The following RASGEF1C variants were observed in gnomAD, a reference collection of about 807,000 sequenced individuals.
RASGEF1C encodes the protein ras-GEF domain-containing family member 1C.
A neutral mutation model predicts 58.1 loss-of-function variants in RASGEF1C; 27 were observed. That is an observed-to-expected ratio of 0.46 (90% CI 0.34 to 0.64). RASGEF1C has a LOEUF of 0.64. Ranked by LOEUF, RASGEF1C falls within the 30% of genes least tolerant of loss-of-function variation. The probability of loss-of-function intolerance (pLI) is 0.01; values close to 1 mark genes in which losing one functional copy is unlikely to be tolerated. For synonymous variants in RASGEF1C, 243 were observed against 246.3 expected (o/e 0.99, Z 0.13); for missense variants, 502 against 605.1 (o/e 0.83, Z 1.79).
At chr5:180,138,787 G>A (rs1197909751) in intron 1 of RASGEF1C, among the ~76,000 whole-genome samples, 1 of 152,128 alleles carries the variant, frequency 6.6e-6, no homozygotes, top group African/African-American at 2.4e-5. Context: ...CACCAGCCAC[G>A]TTCTCTCCTC....
chr5:180,119,489 C>T, intron 7 of RASGEF1C, 41 bp from the exon 8 acceptor site: 2 of 1,507,338 alleles, frequency 1.3e-6, no homozygotes, highest in East Asian at 2.3e-5. Context: ...GACACGCCTC[C>T]ACCCTGCCCT....
chr5:180,101,240 G>T lies in RASGEF1C; in HGVS notation c.*261C>A. 1 of 555,426 alleles carries T rather than the reference G, an allele frequency of 1.8e-6. No individual in the cohort carries two copies. The highest frequency in any genetic ancestry group is 3.2e-6 in the Non-Finnish European group (1 of 310,096). The allele number at this position is 555,426 out of a possible 1,614,324, so 34.4% of individuals were successfully genotyped here. A position where few individuals can be genotyped will look rare whatever the true frequency, so the allele number is the denominator to read the frequency against. On this transcript the variant is annotated 3_prime_UTR_variant, in exon 14 of 14. Transcript: ENST00000361132. ...ATGGACAGACTGACCAGGCCCCACG[G>T]TCCTGAAGGCAGGATGTCCCCAAGG... is the stretch of plus-strand genomic sequence containing the variant.
chr5:180,187,778 C>T (rs554880308), intron 1 of RASGEF1C, among the ~76,000 whole-genome samples: 2 of 152,222 alleles, frequency 1.3e-5, no homozygotes, highest in African/African-American at 2.4e-5. Flanking sequence ...TAGGAAAATG[C>T]AAATCACAAG....
chr5:180,116,460 C>T (rs1345421793), intron 10 of RASGEF1C, among the ~76,000 whole-genome samples: 1 of 152,222 alleles, frequency 6.6e-6, no homozygotes, highest in East Asian at 1.9e-4. Flanking sequence ...TTCCCTCCCT[C>T]TGCCCCTCCA....
At chr5:180,147,276 C>G (rs1257921123) in intron 1 of RASGEF1C, among the ~76,000 whole-genome samples, 4 of 144,562 alleles carry the variant, frequency 2.8e-5, no homozygotes, top group Non-Finnish European at 3.1e-5. Flanking sequence ...AAATTTTTTT[C>G]TATTGTTTTT....
chr5:180,183,247 A>G (rs1187075520), intron 1 of RASGEF1C, among the ~76,000 whole-genome samples: 2 of 152,290 alleles, frequency 1.3e-5, no homozygotes, highest in South Asian at 2.1e-4. Context: ...TAAAACACAG[A>G]TGAGACCCAA....
intron 1 of RASGEF1C, among the ~76,000 whole-genome samples, chr5:180,165,626 G>A (rs1409206786): frequency 1.1e-4 from 17 of 149,794 alleles, no homozygotes; most frequent in Non-Finnish European, 2.1e-4. Flanking sequence ...AGCCAAGATT[G>A]TGCCACAGCA....
chr5:180,138,928 C>T (rs1236712379), intron 1 of RASGEF1C, among the ~76,000 whole-genome samples: 1 of 152,162 alleles, frequency 6.6e-6, no homozygotes, highest in African/African-American at 2.4e-5. Context: ...GCCTTCCCTG[C>T]GTCCCACCAA....
At chr5:180,127,811 ACTGGGGCTTGGAGACC>A in intron 5 of RASGEF1C, 128 bp from the exon 6 acceptor site, 1 of 820,418 alleles carries the variant, frequency 1.2e-6, no homozygotes, top group Non-Finnish European at 1.9e-6. Flanking sequence ...TGCCCTCCCC[ACTGGGGCTTGGAGACC>A]CTGTTTTAGG....
intron 1 of RASGEF1C, among the ~76,000 whole-genome samples, chr5:180,148,914 C>T (rs532199891): frequency 5.2e-4 from 79 of 152,108 alleles, no homozygotes; most frequent in African/African-American, 1.9e-3. Context: ...TGACTTTCTT[C>T]GATTCTTGTT....
chr5:180,115,686 A>G (rs1766053738), intron 10 of RASGEF1C, among the ~76,000 whole-genome samples: 1 of 152,132 alleles, frequency 6.6e-6, no homozygotes, highest in Non-Finnish European at 1.5e-5. Flanking sequence ...CCATCTTTAC[A>G]TGGTCCTGTG....
chr5:180,145,500 T>G (rs1766650087), intron 1 of RASGEF1C, among the ~76,000 whole-genome samples: 1 of 152,268 alleles, frequency 6.6e-6, no homozygotes, highest in Non-Finnish European at 1.5e-5. Context: ...TGTTGTTTTC[T>G]GCTTTTTTGA....
chr5:180,163,372 T>C (rs1246961092), intron 1 of RASGEF1C, among the ~76,000 whole-genome samples: 1 of 151,788 alleles, frequency 6.6e-6, no homozygotes, highest in Non-Finnish European at 1.5e-5. Flanking sequence ...TTAAATATGA[T>C]ATTAGCGGTA....
At chr5:180,207,811 C>T (rs1756516199) in intron 1 of RASGEF1C, among the ~76,000 whole-genome samples, 1 of 152,144 alleles carries the variant, frequency 6.6e-6, no homozygotes, top group African/African-American at 2.4e-5. Context: ...CCGGGCTACC[C>T]GTCCATCACA....
rs549889218 is a variant in RASGEF1C, at chr5:180,184,450, A to C, written c.-7+24578T>G. On this transcript the variant is annotated intron_variant, in intron 1 of 13. Coordinates refer to ENST00000361132, the MANE Select transcript of RASGEF1C (RefSeq NM_175062.4). ...ATATAAGCCAGGCATGGTGGTGTGCACCTATAATCCCAGCTACTCGGGAGG... is the reference window on the plus strand; with the variant it reads ...ATATAAGCCAGGCATGGTGGTGTGCCCCTATAATCCCAGCTACTCGGGAGG... Among the ~76,000 whole-genome samples the C allele has an allele frequency of 2.0e-4, 30 of 151,216 alleles. 1 individual carries two copies. Among genetic ancestry groups the C allele is most frequent in the African/African-American group, 7.0e-4 (29 of 41,252 alleles).
chr5:180,114,226 G>A (rs1299256309), intron 11 of RASGEF1C, among the ~76,000 whole-genome samples: 2 of 152,180 alleles, frequency 1.3e-5, no homozygotes, highest in Non-Finnish European at 2.9e-5. Context: ...TGTGCTGGCC[G>A]TGCGGCGCAG....
At chr5:180,195,710 C>A (rs1040884230) in intron 1 of RASGEF1C, among the ~76,000 whole-genome samples, 6 of 150,788 alleles carry the variant, frequency 4.0e-5, no homozygotes, top group Admixed American at 1.3e-4. Flanking sequence ...TGCAGTGAGC[C>A]GAGATCACAC....
intron 1 of RASGEF1C, among the ~76,000 whole-genome samples, chr5:180,186,047 A>G (rs994286834): frequency 3.3e-5 from 5 of 151,240 alleles, no homozygotes; most frequent in African/African-American, 1.2e-4. Flanking sequence ...CAGTGAGCCA[A>G]GATCACACCA....
chr5:180,203,555 G>C (rs1353662240), intron 1 of RASGEF1C, among the ~76,000 whole-genome samples: 4 of 152,254 alleles, frequency 2.6e-5, no homozygotes, highest in African/African-American at 9.6e-5. Flanking sequence ...TGAGAACCTA[G>C]TGCTGGCCAC....
Sources: allele counts gnomAD v4.1 joint callset (sites outside exome capture counted in the v4.1 genomes callset), GRCh38; gene constraint gnomAD v4.1.1; transcripts MANE v1.5; gene names NCBI Gene and HGNC (gene_info 2026-07-23, HGNC 2026-07-21).